PRRX1: variants seen among roughly 807,000 people sequenced by gnomAD.
The protein encoded by PRRX1 is paired related homeobox 1.
In PRRX1, 8 loss-of-function variants were observed where a neutral mutation model predicts 24.0. The ratio of observed to expected loss-of-function variants is 0.33; its 90% confidence interval spans 0.20 to 0.60. The LOEUF (loss-of-function observed/expected upper bound fraction) is 0.60. PRRX1 is among the 20% of genes least tolerant of loss of function. PRRX1 has a pLI of 0.82. For missense variants in PRRX1, 281 were observed against 322.4 expected, an observed-to-expected ratio of 0.87 and a Z score of 0.98; for synonymous variants, 160 against 131.7, an observed-to-expected ratio of 1.22 and a Z score of -1.47.
At chr1:170,685,956 G>T (rs1433797673) in intron 1 of PRRX1, among the ~76,000 whole-genome samples, 1 of 151,912 alleles carries the variant, frequency 6.6e-6, no homozygotes, top group Non-Finnish European at 1.5e-5. Context: ...AATTCAATTG[G>T]ACATATACCT....
chr1:170,708,179 C>A (rs1654626498), intron 1 of PRRX1, among the ~76,000 whole-genome samples: 1 of 152,134 alleles, frequency 6.6e-6, no homozygotes, highest in South Asian at 2.1e-4. Context: ...CACAGTGACA[C>A]ACAGATTACT....
chr1:170,669,838 C>T (rs1006064099), intron 1 of PRRX1, among the ~76,000 whole-genome samples: 2 of 152,088 alleles, frequency 1.3e-5, no homozygotes, highest in South Asian at 2.1e-4. Flanking sequence ...ATGTATTTTT[C>T]CCCCCTTTAG....
intron 3 of PRRX1, chr1:170,727,693 C>CTGT (rs747847439): frequency 6.8e-4 from 103 of 152,254 alleles, no homozygotes; most frequent in Non-Finnish European, 1.2e-3. Context: ...TTTTAATCCC[C>CTGT]TGTTATAAAA....
intron 1 of PRRX1, among the ~76,000 whole-genome samples, chr1:170,699,684 A>G (rs1456416491): frequency 6.6e-6 from 1 of 152,182 alleles, no homozygotes; most frequent in Admixed American, 6.5e-5. Context: ...ACCTTTCACA[A>G]TGAAACAAAG....
intron 3 of PRRX1, among the ~76,000 whole-genome samples, chr1:170,731,332 A>G (rs1161032697): frequency 6.6e-6 from 1 of 152,048 alleles, no homozygotes; most frequent in Non-Finnish European, 1.5e-5. Context: ...TGAGCTGGTG[A>G]AACCCAAGGA....
At chr1:170,717,386 T>C (rs1392455744) in intron 1 of PRRX1, among the ~76,000 whole-genome samples, 2 of 152,294 alleles carry the variant, frequency 1.3e-5, no homozygotes, top group African/African-American at 4.8e-5. Context: ...ACATAAAATA[T>C]TCTTGGTCTT....
At chr1:170,682,072 G>A (rs1490708110) in intron 1 of PRRX1, among the ~76,000 whole-genome samples, 1 of 152,276 alleles carries the variant, frequency 6.6e-6, no homozygotes, top group Admixed American at 6.5e-5. Flanking sequence ...GGGTGATACA[G>A]TTGAACTGTA....
chr1:170,713,851 G>A (rs1654822495), intron 1 of PRRX1, among the ~76,000 whole-genome samples: 1 of 152,174 alleles, frequency 6.6e-6, no homozygotes, highest in African/African-American at 2.4e-5. Context: ...CAAAGTTTAG[G>A]GGCTTTAGTG....
chr1:170,738,353 GT>G lies in PRRX1; in HGVS notation c.*2169del. The G allele has an allele frequency of 8.9e-6, 2 of 225,198 alleles. No homozygotes were observed. The highest frequency in any genetic ancestry group is 1.3e-4 in the East Asian group (2 of 15,476). The allele number at this position is 225,198 out of a possible 1,614,324, so 13.9% of individuals were successfully genotyped here. A position where few individuals can be genotyped will look rare whatever the true frequency, so the allele number is the denominator to read the frequency against. Reference sequence around the variant, plus strand: ...TTGTATTTCAAATGTTGATTCTGTAGTTCTTTAAATAATAATGAAGCTCATC... The same window carrying G: ...TTGTATTTCAAATGTTGATTCTGTAGTCTTTAAATAATAATGAAGCTCATC... On this transcript the variant is annotated 3_prime_UTR_variant, in exon 4 of 4. Coordinates refer to ENST00000239461, the MANE Select transcript of PRRX1 (RefSeq NM_022716.4).
intron 1 of PRRX1, among the ~76,000 whole-genome samples, chr1:170,687,053 CA>C (rs1258756898): frequency 2.4e-5 from 2 of 81,888 alleles, no homozygotes; most frequent in Non-Finnish European, 4.6e-5. Context: ...CAAGGTTAAA[CA>C]AAAAGCAAAA....
chr1:170,730,566 G>A (rs1405151158), intron 3 of PRRX1: 2 of 527,994 alleles, frequency 3.8e-6, no homozygotes, highest in East Asian at 6.3e-5. Context: ...AGATTGCTGT[G>A]CACAGGAAAC....
chr1:170,687,605 T>A (rs1036774676), intron 1 of PRRX1, among the ~76,000 whole-genome samples: 1 of 152,108 alleles, frequency 6.6e-6, no homozygotes, highest in African/African-American at 2.4e-5. Context: ...CTTTATAGGG[T>A]TTTTGTAAGC....
rs557937285 is a variant in PRRX1, at chr1:170,728,359, G to T, written c.599+1958G>T. On this transcript the variant is annotated intron_variant, in intron 3 of 3. Transcript: ENST00000239461. The stretch of plus-strand genomic sequence containing the variant: ...TTTTTGGAAATATTCTATTTTAATG[G>T]AAAGAATTATGTAGAAATACTGGAT... 2.6e-5 allele frequency: 4 copies of T among 152,226 alleles called. 1 individual carries two copies. The highest frequency in any genetic ancestry group is 2.6e-4 in the Admixed American group (4 of 15,300). 9.4% of individuals were successfully genotyped at this position (152,226 alleles called of 1,614,324 possible).
At chr1:170,723,151 C>A (rs1351899994) in intron 2 of PRRX1, among the ~76,000 whole-genome samples, 1 of 152,120 alleles carries the variant, frequency 6.6e-6, no homozygotes, top group Non-Finnish European at 1.5e-5. Context: ...GCTCTAAGAG[C>A]AATGTGAAGG....
rs1652826626 is a variant in PRRX1, at chr1:170,664,173, G to T, written c.-46G>T. The T allele has an allele frequency of 3.2e-6, 5 of 1,563,276 alleles. No homozygotes were observed. The South Asian group carries it at 6.0e-5, about 19-fold the overall frequency. ...CCTCGCGCCCACAGCGTTTGGTGTTGATTCGAGCGGGAAGAGGGGGGTGGG... is the reference window on the plus strand; with the variant it reads ...CCTCGCGCCCACAGCGTTTGGTGTTTATTCGAGCGGGAAGAGGGGGGTGGG... On this transcript the variant is annotated 5_prime_UTR_variant, in exon 1 of 4. Transcript: ENST00000239461.
chr1:170,699,823 C>G (rs1206624668), intron 1 of PRRX1, among the ~76,000 whole-genome samples: 1 of 152,062 alleles, frequency 6.6e-6, no homozygotes, highest in Non-Finnish European at 1.5e-5. Context: ...GCAACCTCCC[C>G]CTCCTGGGTT....
upstream of PRRX1, chr1:170,664,088 C>CCTCTCTCTCTGTCTCTCTCT (rs1652822193): frequency 3.0e-6 from 2 of 661,374 alleles, no homozygotes; most frequent in Non-Finnish European, 4.5e-6. Flanking sequence ...CCTCTTCCTC[C>CCTCTCTCTCTGTCTCTCTCT]CTCTCTCTCT....
At position 170,737,026 on chromosome 1, in the gene PRRX1, A is replaced by G. The variant is rs908114048; in HGVS notation, c.*840A>G. 2.6e-4 allele frequency: 50 copies of G among 191,230 alleles called. No homozygotes were observed. The highest frequency in any genetic ancestry group is 1.1e-3 in the African/African-American group (49 of 42,900). 11.8% of individuals were successfully genotyped at this position (191,230 alleles called of 1,614,324 possible). A position where few individuals can be genotyped will look rare whatever the true frequency, so the allele number is the denominator to read the frequency against. ...CTATTTGGTAGAAGAAATATTTTTC[A>G]CCTGAGAGAGGAAGAGAAATTTCTC... On this transcript the variant is annotated 3_prime_UTR_variant, in exon 4 of 4. Transcript: ENST00000239461.
chr1:170,704,934 C>G (rs1468189001), intron 1 of PRRX1, among the ~76,000 whole-genome samples: 1 of 152,208 alleles, frequency 6.6e-6, no homozygotes, highest in Non-Finnish European at 1.5e-5. Context: ...TGACAAGAAA[C>G]TGCTCTTCTA....
Sources: allele counts gnomAD v4.1 joint callset (sites outside exome capture counted in the v4.1 genomes callset), GRCh38; gene constraint gnomAD v4.1.1; transcripts MANE v1.5; gene names NCBI Gene and HGNC (gene_info 2026-07-23, HGNC 2026-07-21).